PRKG1: variants seen among roughly 807,000 people sequenced by gnomAD.
PRKG1 encodes cGMP-dependent protein kinase 1.
Under a neutral mutation model 88.1 loss-of-function variants are expected in PRKG1, and 35 were observed. That is an observed-to-expected ratio of 0.40 (90% confidence interval 0.30 to 0.53). The LOEUF (loss-of-function observed/expected upper bound fraction) is 0.53, where lower values mean the gene tolerates loss of function less well. Ranked by LOEUF, PRKG1 falls within the 20% of genes least tolerant of loss-of-function variation. The pLI is 0.59. For missense variants in PRKG1, 540 were observed against 839.8 expected (o/e 0.64, Z 4.41); for synonymous variants, 303 against 292.5 (o/e 1.04, Z -0.37).
At chr10:51,377,956 A>G (rs144927816) in intron 2 of PRKG1, among the ~76,000 whole-genome samples, 1 of 152,332 alleles carries the variant, frequency 6.6e-6, no homozygotes, top group East Asian at 1.9e-4. Flanking sequence ...CTCTGGCCTA[A>G]CCACGAATGA....
At chr10:51,534,232 A>C (rs1251855639) in intron 3 of PRKG1, among the ~76,000 whole-genome samples, 2 of 152,214 alleles carry the variant, frequency 1.3e-5, no homozygotes, top group Non-Finnish European at 2.9e-5. Flanking sequence ...GTATATGAAC[A>C]AAGTGATGTT....
intron 4 of PRKG1, among the ~76,000 whole-genome samples, chr10:51,862,725 T>C (rs1348451053): frequency 2.0e-5 from 3 of 152,068 alleles, no homozygotes; most frequent in African/African-American, 7.2e-5. Flanking sequence ...GGCTTCAAGG[T>C]TGGGTTTCTC....
intron 2 of PRKG1, among the ~76,000 whole-genome samples, chr10:51,311,450 T>C (rs1375127825): frequency 6.6e-6 from 1 of 152,228 alleles, no homozygotes; most frequent in Non-Finnish European, 1.5e-5. Flanking sequence ...GTGTAACTGT[T>C]TCTTTCATTC....
At chr10:51,477,875 T>A (rs1840242786) in intron 3 of PRKG1, among the ~76,000 whole-genome samples, 1 of 152,000 alleles carries the variant, frequency 6.6e-6, no homozygotes, top group Non-Finnish European at 1.5e-5. Context: ...CAGCCCTTAC[T>A]TGGGGAAGTT....
intron 9 of PRKG1, among the ~76,000 whole-genome samples, chr10:52,180,924 C>T (rs1839007900): frequency 6.6e-6 from 1 of 152,126 alleles, no homozygotes. Flanking sequence ...TGGTACATGG[C>T]TGCCTGGCTT....
chr10:52,162,072 AATTAGTTG>A, intron 9 of PRKG1, 109 bp downstream of exon 9: 1 of 917,208 alleles, frequency 1.1e-6, no homozygotes, highest in South Asian at 1.5e-5. Context: ...GGAAACAACT[AATTAGTTG>A]AGAGACAAAG....
chr10:52,016,942 A>T (rs1378467401), intron 5 of PRKG1, among the ~76,000 whole-genome samples: 1 of 152,166 alleles, frequency 6.6e-6, no homozygotes, highest in Non-Finnish European at 1.5e-5. Context: ...TTTTGAGCAG[A>T]CACTTGAATT....
intron 1 of PRKG1, among the ~76,000 whole-genome samples, chr10:51,116,097 A>G (rs1845117165): frequency 1.3e-5 from 2 of 152,190 alleles, no homozygotes; most frequent in Non-Finnish European, 2.9e-5. Context: ...CAACTCTGCC[A>G]GTCGGTAACT....
In PRKG1 at chr10:51,346,144, A is replaced by G. The variant is rs1416334947; in HGVS notation, c.479-121579A>G. ...TTGTTTGGTTTAAATTAAACCCAAC[A>G]GAGGGACGCTGAATTCCAAAAAAGT... On this transcript the variant is annotated intron_variant, in intron 2 of 17. Coordinates refer to ENST00000373980, the MANE Select transcript of PRKG1 (RefSeq NM_006258.4). 2.0e-5 allele frequency among the ~76,000 whole-genome samples: 3 copies of G among 152,216 alleles called. No individual in the cohort carries two copies. In the East Asian group the frequency reaches 5.8e-4, roughly 29 times the overall value.
chr10:51,565,526 G>C (rs1328867036), intron 3 of PRKG1, among the ~76,000 whole-genome samples: 1 of 152,080 alleles, frequency 6.6e-6, no homozygotes. Context: ...TATATGATTG[G>C]CCTGGGTGTA....
At chr10:51,370,719 A>G (rs1050915518) in intron 2 of PRKG1, among the ~76,000 whole-genome samples, 9 of 152,276 alleles carry the variant, frequency 5.9e-5, no homozygotes, top group African/African-American at 2.2e-4. Context: ...ATTTTCTCTA[A>G]TCCAGTACAT....
chr10:51,564,769 A>G (rs959816049), intron 3 of PRKG1, among the ~76,000 whole-genome samples: 4 of 152,142 alleles, frequency 2.6e-5, no homozygotes, highest in African/African-American at 4.8e-5. Flanking sequence ...AGGATTTCAT[A>G]TAATTTCAAG....
At chr10:51,716,687 A>T (rs1841895060) in intron 3 of PRKG1, among the ~76,000 whole-genome samples, 1 of 152,032 alleles carries the variant, frequency 6.6e-6, no homozygotes, top group South Asian at 2.1e-4. Flanking sequence ...AGTTTTGTTA[A>T]TAATATTGCT....
intron 4 of PRKG1, among the ~76,000 whole-genome samples, chr10:51,839,122 T>G (rs1328933622): frequency 2.0e-5 from 3 of 151,850 alleles, no homozygotes; most frequent in African/African-American, 7.2e-5. Flanking sequence ...CTTAGACCAT[T>G]ACCATAAGGA....
intron 3 of PRKG1, among the ~76,000 whole-genome samples, chr10:51,629,867 A>C (rs543492091): frequency 6.6e-6 from 1 of 152,288 alleles, no homozygotes; most frequent in Admixed American, 6.5e-5. Flanking sequence ...GCTGGGAGAA[A>C]GAAGGCCCTG....
chr10:51,467,593 G>A (rs532375993), intron 2 of PRKG1, 130 bp from the exon 3 acceptor site: 9 of 617,018 alleles, frequency 1.5e-5, no homozygotes, highest in African/African-American at 3.7e-5. Flanking sequence ...GCGCTGCCTC[G>A]TGGTGACTTT....
intron 9 of PRKG1, among the ~76,000 whole-genome samples, chr10:52,201,964 T>G (rs1436074565): frequency 6.6e-6 from 1 of 152,184 alleles, no homozygotes; most frequent in African/African-American, 2.4e-5. Flanking sequence ...GTAGAGACTA[T>G]GAAGTTTTAT....
At chr10:51,951,119 T>C (rs1253666005) in intron 5 of PRKG1, among the ~76,000 whole-genome samples, 2 of 152,356 alleles carry the variant, frequency 1.3e-5, no homozygotes, top group East Asian at 3.9e-4. Flanking sequence ...GTTATCCCTC[T>C]GGGTCATGGG....
chr10:51,112,412 A>C lies in PRKG1; in HGVS notation c.311+37511A>C, dbSNP rs1359928129. 2.6e-5 allele frequency among the ~76,000 whole-genome samples: 4 copies of C among 152,110 alleles called. No homozygotes were observed. In the East Asian group the frequency reaches 5.8e-4, roughly 22 times the overall value. On this transcript the variant is annotated intron_variant, in intron 1 of 17. Coordinates refer to ENST00000373980, the MANE Select transcript of PRKG1 (RefSeq NM_006258.4). ...TAGTTCAACAAAGGAGACCAAAAAA[A>C]CCCCACAACCTCAAAATAGATCCTT...
Sources: allele counts gnomAD v4.1 joint callset (sites outside exome capture counted in the v4.1 genomes callset), GRCh38; gene constraint gnomAD v4.1.1; transcripts MANE v1.5; gene names NCBI Gene and HGNC (gene_info 2026-07-23, HGNC 2026-07-21).